The following PCDHGA11 variants were observed in gnomAD, a reference collection of about 807,000 sequenced individuals.
PCDHGA11 encodes protocadherin gamma-A11.
A neutral mutation model predicts 60.4 loss-of-function variants in PCDHGA11; 39 were observed. The observed-to-expected ratio is 0.65, with a 90% CI of 0.50 to 0.84. The LOEUF is 0.84. Ranked by LOEUF, PCDHGA11 falls within the 40% of genes least tolerant of loss-of-function variation. The probability of loss-of-function intolerance (pLI) is 0.00; values close to 1 mark genes in which losing one functional copy is unlikely to be tolerated. For synonymous variants in PCDHGA11, 533 were observed against 510.3 expected (o/e 1.04, Z -0.60); for missense variants, 1,165 against 1,197.7 (o/e 0.97, Z 0.40).
At chr5:141,460,864 A>C (rs1220160866) in intron 1 of PCDHGA11, among the ~76,000 whole-genome samples, 1 of 151,800 alleles carries the variant, frequency 6.6e-6, no homozygotes, top group East Asian at 1.9e-4. Flanking sequence ...AAGTTGCTGC[A>C]AAGGACATTA....
chr5:141,428,037 C>T, intron 1 of PCDHGA11: 1 of 1,608,458 alleles, frequency 6.2e-7, no homozygotes, highest in South Asian at 1.1e-5. Context: ...GTCCGGCTAC[C>T]TGGTGACCAA....
intron 1 of PCDHGA11, among the ~76,000 whole-genome samples, chr5:141,482,072 C>G (rs1010432509): frequency 1.5e-5 from 2 of 133,436 alleles, no homozygotes; most frequent in African/African-American, 5.9e-5. Flanking sequence ...GCAACAAGAA[C>G]AAAACTCACT....
Position 141,422,639 on chromosome 5 carries a change from C to G in PCDHGA11, c.1412C>G (p.Ser471Cys), listed in dbSNP as rs777330051. The G allele has an allele frequency of 6.2e-7, 1 of 1,612,662 alleles. No individual in the cohort carries two copies. Residue 471 changes from serine (S) to cysteine (C), a missense_variant, in exon 1 of 4, where the codon TCC becomes TGC. Physicochemically the swap from Ser to Cys is moderately radical, Grantham distance 112. Coordinates refer to ENST00000398587, the MANE Select transcript of PCDHGA11 (RefSeq NM_018914.3). ...CCCGAAAACAACCCCAGGGGTGCCT[C>G]CATCTTCTCAGTGACCGCCCTCGAC... ...YIPENNPRGA[S>C]IFSVTALDPD... is the part of the protein sequence containing the mutation.
chr5:141,489,275 A>C lies in PCDHGA11; in HGVS notation c.2434-5532A>C. On this transcript the variant is annotated intron_variant, in intron 1 of 3. Transcript: ENST00000398587. This position sits in a 1 kb window ranked among gnomAD's most constrained non-coding sequence, Gnocchi z 4.5. ...AAGACACTCCCACAGCTCGCTGGGA[A>C]ATGGCAAGTGCTGTGCATGTTGTCC... The C allele has an allele frequency of 4.5e-6, 7 of 1,556,298 alleles. No individual in the cohort carries two copies. Among genetic ancestry groups the C allele is most frequent in the Non-Finnish European group, 6.1e-6 (7 of 1,151,600 alleles).
At position 141,486,765 on chromosome 5, in the gene PCDHGA11, T is replaced by C; in HGVS notation, c.2434-8042T>C. On this transcript the variant is annotated intron_variant, in intron 1 of 3. Transcript: ENST00000398587. This position sits in a 1 kb window ranked among gnomAD's most constrained non-coding sequence, Gnocchi z 5.0. ...TTTGACTATGAGCAAACCCAGACACTGCAGTTTGAGGTGCAGGCCCGGGAT... is the reference window on the plus strand; with the variant it reads ...TTTGACTATGAGCAAACCCAGACACCGCAGTTTGAGGTGCAGGCCCGGGAT... 4 of 1,614,230 alleles carry C rather than the reference T, an allele frequency of 2.5e-6. No individual in the cohort carries two copies. Among genetic ancestry groups the C allele is most frequent in the Non-Finnish European group, 3.4e-6 (4 of 1,180,038 alleles).
chr5:141,488,437 C>A (rs1327345486), intron 1 of PCDHGA11, among the ~76,000 whole-genome samples: 2 of 152,210 alleles, frequency 1.3e-5, no homozygotes, highest in Non-Finnish European at 2.9e-5. Context: ...CCTCTGACCA[C>A]CCTCCTGGGT....
At chr5:141,495,779 C>A (rs529564820) in intron 2 of PCDHGA11, among the ~76,000 whole-genome samples, 53 of 152,094 alleles carry the variant, frequency 3.5e-4, no homozygotes, top group Non-Finnish European at 4.6e-4. Flanking sequence ...TCCTGGACCT[C>A]TTTTCTGTTT....
At position 141,485,227 on chromosome 5, in the gene PCDHGA11, G is replaced by C. The variant is rs2099609828; in HGVS notation, c.2434-9580G>C. 1 of 1,614,186 alleles carries C rather than the reference G, an allele frequency of 6.2e-7. No individual in the cohort carries two copies. Among genetic ancestry groups the C allele is most frequent in the Non-Finnish European group, 8.5e-7 (1 of 1,180,020 alleles). On this transcript the variant is annotated intron_variant, in intron 1 of 3. Transcript: ENST00000398587. The surrounding 1 kb of genome is among the most constrained non-coding windows in gnomAD (Gnocchi z 5.7). The stretch of plus-strand genomic sequence containing the variant: ...AAATCTGGCGGTGGGCTACCCTTTT[G>C]TTCCTCTTTTACCACCTGGGTTACG...
chr5:141,492,873 C>G (rs2099744714), intron 1 of PCDHGA11, among the ~76,000 whole-genome samples: 1 of 152,182 alleles, frequency 6.6e-6, no homozygotes, highest in Non-Finnish European at 1.5e-5. Context: ...CTCTCAACCC[C>G]CAGAGATACA....
intron 1 of PCDHGA11, chr5:141,439,888 A>G (rs2098137228): frequency 6.6e-6 from 1 of 152,384 alleles, no homozygotes. Context: ...TCTGGGTAGA[A>G]CCAAGGCGAC....
chr5:141,505,711 A>C (rs372711957), intron 3 of PCDHGA11, among the ~76,000 whole-genome samples: 17 of 152,058 alleles, frequency 1.1e-4, no homozygotes, highest in Admixed American at 2.6e-4. Context: ...CAAGGAAAAG[A>C]CTCATGGAGG....
At chr5:141,450,815 A>T (rs183350620) in intron 1 of PCDHGA11, among the ~76,000 whole-genome samples, 1,650 of 126,706 alleles carry the variant, frequency 0.013, 15 homozygotes, top group African/African-American at 0.032. Context: ...TATTTATTTA[A>T]TATTATTATT....
chr5:141,505,832 T>G (rs1006398435), intron 3 of PCDHGA11, among the ~76,000 whole-genome samples: 1 of 152,188 alleles, frequency 6.6e-6, no homozygotes, highest in African/African-American at 2.4e-5. Flanking sequence ...AAACCTCAGT[T>G]TCCTCAGCCT....
intron 1 of PCDHGA11, chr5:141,478,843 C>G: frequency 7.2e-7 from 1 of 1,398,442 alleles, no homozygotes; most frequent in South Asian, 1.5e-5. Flanking sequence ...GATGGTTAAG[C>G]TAAAACACAA....
In PCDHGA11 at chr5:141,475,977, A is replaced by G. The variant is rs369460464; in HGVS notation, c.2434-18830A>G. The stretch of plus-strand genomic sequence containing the variant: ...CCCCGGGATGAGGCAGAGACTGAAC[A>G]GCCGGCGAGCAAATCAACGGCATCC... On this transcript the variant is annotated intron_variant, in intron 1 of 3. Transcript: ENST00000398587. The G allele has an allele frequency of 2.2e-5, 21 of 972,826 alleles. No individual in the cohort carries two copies. The South Asian group carries it at 2.8e-4, about 13-fold the overall frequency. 60.3% of individuals were successfully genotyped at this position (972,826 alleles called of 1,614,324 possible).
intron 1 of PCDHGA11, among the ~76,000 whole-genome samples, chr5:141,470,888 T>C (rs2099243463): frequency 6.6e-6 from 1 of 151,912 alleles, no homozygotes; most frequent in Non-Finnish European, 1.5e-5. Context: ...GTTTTTGTTT[T>C]TGTTTTTTGT....
chr5:141,449,569 A>G (rs1340921687), intron 1 of PCDHGA11, among the ~76,000 whole-genome samples: 2 of 148,390 alleles, frequency 1.3e-5, no homozygotes, highest in East Asian at 3.9e-4. Flanking sequence ...AGCCTGGGCG[A>G]CAGAGCAAGA....
Position 141,431,612 on chromosome 5 carries a change from G to T in PCDHGA11, c.2433+7952G>T, listed in dbSNP as rs79883194. 6.2e-7 allele frequency: 1 copy of T among 1,614,244 alleles called. No homozygotes were observed. The highest frequency in any genetic ancestry group is 2.2e-5 in the East Asian group (1 of 44,880). Reference sequence around the variant, plus strand: ...AGTGAGGTATTCCTTCCGGTATGTGGACGACAAGGCGGCCCAAGTTTTCAA... The same window carrying T: ...AGTGAGGTATTCCTTCCGGTATGTGTACGACAAGGCGGCCCAAGTTTTCAA... On this transcript the variant is annotated intron_variant, in intron 1 of 3. Transcript: ENST00000398587. The surrounding 1 kb of genome is among the most constrained non-coding windows in gnomAD (Gnocchi z 4.8).
At position 141,432,900 on chromosome 5, in the gene PCDHGA11, T is replaced by A. The variant is rs139221180; in HGVS notation, c.2433+9240T>A. ...GCCTTCGTCATCTTGCTGCTGGCGCTCAGGCTGCGGCGCTGGCACAAGTCA... is the reference window on the plus strand; with the variant it reads ...GCCTTCGTCATCTTGCTGCTGGCGCACAGGCTGCGGCGCTGGCACAAGTCA... On this transcript the variant is annotated intron_variant, in intron 1 of 3. Transcript: ENST00000398587. The surrounding 1 kb of genome is among the most constrained non-coding windows in gnomAD (Gnocchi z 6.0). The A allele has an allele frequency of 7.9e-5, 128 of 1,614,174 alleles. No homozygotes were observed. The highest frequency in any genetic ancestry group is 7.4e-4 in the East Asian group (33 of 44,868).
Sources: gnomAD v4.1 joint callset for allele counts (sites outside exome capture counted in the v4.1 genomes callset) on GRCh38, gnomAD v4.1.1 for gene constraint, Gnocchi (gnomAD v3.1) non-coding constraint, MANE v1.5 for transcripts, NCBI Gene and HGNC (gene_info 2026-07-23, HGNC 2026-07-21) for gene names.